Variants in LCN10 observed in about 807,000 individuals in gnomAD.
LCN10 encodes epididymal-specific lipocalin-10.
Under a neutral mutation model 25.1 loss-of-function variants are expected in LCN10, and 18 were observed. The ratio of observed to expected loss-of-function variants is 0.72; its 90% confidence interval spans 0.50 to 1.06. LCN10 has a LOEUF of 1.06. Among genes scored for constraint, LCN10 ranks in the 50% least tolerant of loss-of-function variants. The probability of loss-of-function intolerance (pLI) is 0.00; values close to 1 mark genes in which losing one functional copy is unlikely to be tolerated. For synonymous variants in LCN10, 130 were observed against 116.7 expected (o/e 1.11, Z -0.73); for missense variants, 257 against 258.9 (o/e 0.99, Z 0.05).
At position 136,740,077 on chromosome 9, in the gene LCN10, G is replaced by C. The variant is rs1319475967; in HGVS notation, c.476-29C>G. 1 of 1,455,342 alleles carries C rather than the reference G, an allele frequency of 6.9e-7. No individual in the cohort carries two copies. 90.2% of individuals were successfully genotyped at this position (1,455,342 alleles called of 1,614,324 possible). ...AGGTTGAGATCAGGATCACATCAGAGACTCCAGCTCTGGCCATTTTAGGGT... is the reference window on the plus strand; with the variant it reads ...AGGTTGAGATCAGGATCACATCAGACACTCCAGCTCTGGCCATTTTAGGGT... On this transcript the variant is annotated intron_variant, in intron 4 of 5. Transcript: ENST00000497771. The surrounding 1 kb of genome is among the most constrained non-coding windows in gnomAD (Gnocchi z 5.3).
At position 136,740,833 on chromosome 9, in the gene LCN10, C is replaced by T. The variant is rs369620920; in HGVS notation, c.475+3G>A. On this transcript the variant is annotated splice_donor_region_variant and intron_variant, in intron 4 of 5. Coordinates refer to ENST00000497771, the MANE Select transcript of LCN10 (RefSeq NM_001001712.3). This position sits in a 1 kb window ranked among gnomAD's most constrained non-coding sequence, Gnocchi z 5.3. The stretch of plus-strand genomic sequence containing the variant: ...TCCTCTGCCATCCGCTGTGCCTGCT[C>T]ACGGAAGAGCAGCAGGTTCTTGTAG... 7.4e-5 allele frequency: 119 copies of T among 1,609,466 alleles called. 1 individual carries two copies. The highest frequency in any genetic ancestry group is 4.4e-4 in the South Asian group (40 of 90,916).
In LCN10 at chr9:136,740,425, G is replaced by A. The variant is rs183663394; in HGVS notation, c.476-377C>T. On this transcript the variant is annotated intron_variant, in intron 4 of 5. Transcript: ENST00000497771. The surrounding 1 kb of genome is among the most constrained non-coding windows in gnomAD (Gnocchi z 5.3). ...CACTCCTTTCCGTGTACCCCAAGTG[G>A]TTGGTGTCTAGAATTGGGTTTGTGG... 10 of 426,768 alleles carry A rather than the reference G, an allele frequency of 2.3e-5. No individual in the cohort carries two copies. In the East Asian group the frequency reaches 4.3e-4, roughly 19 times the overall value. The allele number at this position is 426,768 out of a possible 1,614,324, so 26.4% of individuals were successfully genotyped here. A position where few individuals can be genotyped will look rare whatever the true frequency, so the allele number is the denominator to read the frequency against.
In LCN10 at chr9:136,741,960, T is replaced by A. The variant is rs1198714645; in HGVS notation, c.178A>T (p.Arg60Trp). 1 of 1,612,348 alleles carries A rather than the reference T, an allele frequency of 6.2e-7. No individual in the cohort carries two copies. The highest frequency in any genetic ancestry group is 8.5e-7 in the Non-Finnish European group (1 of 1,179,516). Residue 60 changes from arginine (R) to tryptophan (W), a missense_variant, in exon 2 of 6, where the codon AGG becomes TGG. Arg to Trp is a moderately radical substitution (Grantham distance 101). Transcript: ENST00000497771. ...GACGCCCCCAGCTTCCTCTTGTCCC[T>A]GGCCGGCAAGAATCCCTGGGCATCA... ...ATDAQGFLPA[R>W]DKRKLGASVV...
At position 136,739,327 on chromosome 9, in the gene LCN10, G is replaced by A. The variant is rs145715837; in HGVS notation, c.*198C>T. ...GGGCCTGGCTGACATCTCGCCACCC[G>A]GTCAGCCTGTATCCTCCTTCCCCCA... is the stretch of plus-strand genomic sequence containing the variant. On this transcript the variant is annotated 3_prime_UTR_variant, in exon 6 of 6. Coordinates refer to ENST00000497771, the MANE Select transcript of LCN10 (RefSeq NM_001001712.3). The surrounding 1 kb of genome is among the most constrained non-coding windows in gnomAD (Gnocchi z 6.1). 1.2e-3 allele frequency: 728 copies of A among 596,636 alleles called. 3 individuals carry two copies. The highest frequency in any genetic ancestry group is 0.012 in the African/African-American group (637 of 53,912). The allele number at this position is 596,636 out of a possible 1,614,324, so 37.0% of individuals were successfully genotyped here. A position where few individuals can be genotyped will look rare whatever the true frequency, so the allele number is the denominator to read the frequency against.
In LCN10 at chr9:136,740,909, A is replaced by G; in HGVS notation, c.402T>C (p.Thr134=). The G allele has an allele frequency of 6.2e-7, 1 of 1,613,828 alleles. No individual in the cohort carries two copies. Among genetic ancestry groups the G allele is most frequent in the Non-Finnish European group, 8.5e-7 (1 of 1,179,844 alleles). Residue 134 remains threonine (T), a synonymous_variant, in exon 4 of 6, where the codon ACT becomes ACC. Coordinates refer to ENST00000497771, the MANE Select transcript of LCN10 (RefSeq NM_001001712.3). The surrounding 1 kb of genome is among the most constrained non-coding windows in gnomAD (Gnocchi z 5.3). The stretch of plus-strand genomic sequence containing the variant: ...GGTAGACCAAGCCGTAGCTGTAGTC[A>G]GTGGACAGCACGTGGAAGGCCTTCA... The part of the protein sequence containing the change: ...KGVKAFHVLS[T]DYSYGLVYLR...
rs1048271302 is a variant in LCN10 at position 136,739,287 on chromosome 9, A to G, written c.*238T>C. 28 of 547,566 alleles carry G rather than the reference A, an allele frequency of 5.1e-5. No homozygotes were observed. The Middle Eastern group carries it at 2.4e-3, about 47-fold the overall frequency. 33.9% of individuals were successfully genotyped at this position (547,566 alleles called of 1,614,324 possible). A position where few individuals can be genotyped will look rare whatever the true frequency, so the allele number is the denominator to read the frequency against. On this transcript the variant is annotated 3_prime_UTR_variant, in exon 6 of 6. Coordinates refer to ENST00000497771, the MANE Select transcript of LCN10 (RefSeq NM_001001712.3). The surrounding 1 kb of genome is among the most constrained non-coding windows in gnomAD (Gnocchi z 6.1). The stretch of plus-strand genomic sequence containing the variant: ...AGCAGCAGCCTGCAGTGTGCTCCAG[A>G]AGACAGTGGGGAAGGGGCCTGGCTG...
At position 136,739,577 on chromosome 9, in the gene LCN10, A is replaced by G; in HGVS notation, c.575-24T>C. 6.3e-7 allele frequency: 1 copy of G among 1,592,894 alleles called. No individual in the cohort carries two copies. The highest frequency in any genetic ancestry group is 1.1e-5 in the South Asian group (1 of 87,320). ...CGCTGTGGGAGAGGAAAACAGCCACATGTGGGCTGGCTGCTTGGAGGAGAC... is the reference window on the plus strand; with the variant it reads ...CGCTGTGGGAGAGGAAAACAGCCACGTGTGGGCTGGCTGCTTGGAGGAGAC... On this transcript the variant is annotated intron_variant, in intron 5 of 5. Coordinates refer to ENST00000497771, the MANE Select transcript of LCN10 (RefSeq NM_001001712.3). The surrounding 1 kb of genome is among the most constrained non-coding windows in gnomAD (Gnocchi z 6.1).
At chr9:136,742,044 G>A (rs1368212768) in intron 1 of LCN10, 24 bp from the exon 2 acceptor site, 2 of 1,611,232 alleles carry the variant, frequency 1.2e-6, no homozygotes, top group Non-Finnish European at 1.7e-6. Context: ...GTGTGGGCGG[G>A]GACAGGAGCT....
chr9:136,741,759 G>C (rs530988745), intron 2 of LCN10, 122 bp downstream of exon 2: 24 of 1,318,092 alleles, frequency 1.8e-5, no homozygotes, highest in Middle Eastern at 2.7e-4. Flanking sequence ...GGGAGGAAGT[G>C]GGGGGACGGT....
chr9:136,739,640 G>C lies in LCN10; in HGVS notation c.575-87C>G. Reference sequence around the variant, plus strand: ...AACACGTCTCCCCCGGCCGCTCCCTGGTTCCATGCGTGCTCGTCTTGGGCA... The same window carrying C: ...AACACGTCTCCCCCGGCCGCTCCCTCGTTCCATGCGTGCTCGTCTTGGGCA... On this transcript the variant is annotated intron_variant, in intron 5 of 5. Transcript: ENST00000497771. The surrounding 1 kb of genome is among the most constrained non-coding windows in gnomAD (Gnocchi z 6.1). The C allele has an allele frequency of 7.9e-7, 1 of 1,271,848 alleles. No individual in the cohort carries two copies. Among genetic ancestry groups the C allele is most frequent in the Non-Finnish European group, 1.1e-6 (1 of 893,196 alleles). 78.8% of individuals were successfully genotyped at this position (1,271,848 alleles called of 1,614,324 possible).
In LCN10 at chr9:136,739,472, C is replaced by A; in HGVS notation, c.*53G>T. 5.1e-6 allele frequency: 8 copies of A among 1,562,280 alleles called. No individual in the cohort carries two copies. Among genetic ancestry groups the A allele is most frequent in the Non-Finnish European group, 6.9e-6 (8 of 1,151,996 alleles). On this transcript the variant is annotated 3_prime_UTR_variant, in exon 6 of 6. Coordinates refer to ENST00000497771, the MANE Select transcript of LCN10 (RefSeq NM_001001712.3). The surrounding 1 kb of genome is among the most constrained non-coding windows in gnomAD (Gnocchi z 6.1). ...CCACTTGACATCTGGAACAACGCTC[C>A]TCGGGTCTGGGAGGACCACGCGTCG...
In LCN10 at chr9:136,742,897, G is replaced by A; in HGVS notation, c.7C>T (p.Gln3Ter). The change falls in exon 1 of 6, where the codon CAG becomes TAG. Residue 3 changes from glutamine (Q) to a stop codon, truncating the protein, a stop_gained. Coordinates refer to ENST00000497771, the MANE Select transcript of LCN10 (RefSeq NM_001001712.3). LOFTEE classifies it high-confidence loss of function. ...ACCAGCGCCAGCACCAGCAGCCCCTGCCTCATCTTCACCCTCCTCCCTCAG... is the reference window on the plus strand; with the variant it reads ...ACCAGCGCCAGCACCAGCAGCCCCTACCTCATCTTCACCCTCCTCCCTCAG... MR[Q>*]GLLVLALVLV... The A allele has an allele frequency of 6.2e-7, 1 of 1,613,348 alleles. No homozygotes were observed. The highest frequency in any genetic ancestry group is 8.5e-7 in the Non-Finnish European group (1 of 1,179,718).
intron 2 of LCN10, 179 bp downstream of exon 2, chr9:136,741,702 C>T: frequency 2.3e-6 from 2 of 885,956 alleles, no homozygotes; most frequent in East Asian, 5.3e-5. Context: ...CCAACACCCA[C>T]CCATGTGGGG....
intron 1 of LCN10, 73 bp downstream of exon 1, chr9:136,742,714 G>A (rs1240250536): frequency 9.0e-6 from 14 of 1,551,994 alleles, no homozygotes; most frequent in Middle Eastern, 1.8e-4. Flanking sequence ...GGCGGCTGCC[G>A]GGAGACTGTG....
At position 136,739,457 on chromosome 9, in the gene LCN10, T is replaced by A. The variant is rs546447814; in HGVS notation, c.*68A>T. 1 of 1,526,772 alleles carries A rather than the reference T, an allele frequency of 6.5e-7. No homozygotes were observed. The highest frequency in any genetic ancestry group is 8.9e-7 in the Non-Finnish European group (1 of 1,122,780). The allele number at this position is 1,526,772 out of a possible 1,614,324, so 94.6% of individuals were successfully genotyped here. On this transcript the variant is annotated 3_prime_UTR_variant, in exon 6 of 6. Transcript: ENST00000497771. The surrounding 1 kb of genome is among the most constrained non-coding windows in gnomAD (Gnocchi z 6.1). The stretch of plus-strand genomic sequence containing the variant: ...AACAAGCCGTGGTCTCCACTTGACA[T>A]CTGGAACAACGCTCCTCGGGTCTGG...
chr9:136,741,255 C>T lies in LCN10; in HGVS notation c.364G>A (p.Gly122Arg). ...AGGGCCCAGAGCCCAAGCACACCTC[C>T]CTCCTGTCCTTCCCTCGGGCCCGCC... ...YAAGPREGQE[G>R]VKGVKAFHVL... The change falls in exon 3 of 6, where the codon GGA (glycine) becomes AGA (arginine). Residue 122 changes from glycine to arginine, a missense_variant. Coordinates refer to ENST00000497771, the MANE Select transcript of LCN10 (RefSeq NM_001001712.3). 5 of 1,613,268 alleles carry T rather than the reference C, an allele frequency of 3.1e-6. No homozygotes were observed. The highest frequency in any genetic ancestry group is 3.4e-6 in the Non-Finnish European group (4 of 1,179,574).
At chr9:136,742,509 C>A (rs1588298485) in intron 1 of LCN10, 2 of 530,440 alleles carry the variant, frequency 3.8e-6, no homozygotes, top group South Asian at 5.1e-5. Context: ...GCACTCTGGG[C>A]GTCTCCCGAC....
chr9:136,739,625 C>T lies in LCN10; in HGVS notation c.575-72G>A, dbSNP rs866506018. On this transcript the variant is annotated intron_variant, in intron 5 of 5. Transcript: ENST00000497771. This position sits in a 1 kb window ranked among gnomAD's most constrained non-coding sequence, Gnocchi z 6.1. ...GACACATGAGCCGTGAACACGTCTC[C>T]CCCGGCCGCTCCCTGGTTCCATGCG... is the stretch of plus-strand genomic sequence containing the variant. The T allele has an allele frequency of 7.0e-7, 1 of 1,423,008 alleles. No individual in the cohort carries two copies. The highest frequency in any genetic ancestry group is 1.2e-5 in the South Asian group (1 of 81,698). 88.1% of individuals were successfully genotyped at this position (1,423,008 alleles called of 1,614,324 possible).
chr9:136,741,628 CT>C, intron 2 of LCN10: 3 of 614,304 alleles, frequency 4.9e-6, no homozygotes, highest in Non-Finnish European at 8.5e-6. Context: ...GGCCCAGGAG[CT>C]GCAAGCGGCT....
Sources: allele counts gnomAD v4.1 joint callset, GRCh38; gene constraint gnomAD v4.1.1; non-coding constraint Gnocchi (gnomAD v3.1); transcripts MANE v1.5; gene names NCBI Gene and HGNC (gene_info 2026-07-23, HGNC 2026-07-21).